CNTN4: variants seen among roughly 807,000 people sequenced by gnomAD.
CNTN4 encodes the protein contactin 4.
A neutral mutation model predicts 122.5 loss-of-function variants in CNTN4; 77 were observed. The ratio of observed to expected loss-of-function variants is 0.63; its 90% confidence interval spans 0.52 to 0.76. The LOEUF (loss-of-function observed/expected upper bound fraction) is 0.76. Among genes scored for constraint, CNTN4 ranks in the 30% least tolerant of loss-of-function variants. The probability of loss-of-function intolerance (pLI) is 0.00; values close to 1 mark genes in which losing one functional copy is unlikely to be tolerated. For synonymous variants in CNTN4, 512 were observed against 447.0 expected (o/e 1.15, Z -1.83); for missense variants, 1,256 against 1,259.1 (o/e 1.00, Z 0.04).
chr3:2,904,715 A>G (rs1410763219), intron 12 of CNTN4, among the ~76,000 whole-genome samples: 1 of 152,240 alleles, frequency 6.6e-6, no homozygotes, highest in East Asian at 1.9e-4. Context: ...ACAGTTCACC[A>G]TGGCAGGATT....
chr3:2,158,076 T>G (rs892229091), intron 2 of CNTN4, among the ~76,000 whole-genome samples: 1 of 147,128 alleles, frequency 6.8e-6, no homozygotes, highest in African/African-American at 2.4e-5. Flanking sequence ...TTCATACATA[T>G]GTTCTTTAAT....
intron 2 of CNTN4, among the ~76,000 whole-genome samples, chr3:2,120,410 T>A (rs1379601065): frequency 2.2e-4 from 26 of 118,038 alleles, no homozygotes; most frequent in African/African-American, 4.5e-4. Context: ...TATATATTTT[T>A]TTTTTTTTTT....
At chr3:2,727,997 A>G (rs1015309754) in intron 4 of CNTN4, among the ~76,000 whole-genome samples, 3 of 152,248 alleles carry the variant, frequency 2.0e-5, no homozygotes, top group African/African-American at 7.2e-5. Context: ...ACCAAATAGA[A>G]TACTTATTCA....
rs577854753 is a variant in CNTN4, at chr3:3,007,524, T to C, written c.1487-18578T>C. Among the ~76,000 whole-genome samples the C allele has an allele frequency of 5.3e-5, 8 of 152,354 alleles. 1 individual carries two copies. Among genetic ancestry groups the C allele is most frequent in the East Asian group, 1.9e-4 (1 of 5,190 alleles). ...CTATAATATCTCACCCAAAGGGTGT[T>C]GTCATTTTTCAAATAACCTGTTTAA... On this transcript the variant is annotated intron_variant, in intron 14 of 24. Transcript: ENST00000418658.
intron 2 of CNTN4, among the ~76,000 whole-genome samples, chr3:2,205,830 A>C (rs1048224958): frequency 6.6e-6 from 1 of 152,160 alleles, no homozygotes; most frequent in African/African-American, 2.4e-5. Flanking sequence ...ATTATTAAAT[A>C]AACTTCTGTA....
chr3:2,972,451 T>C (rs1330399094), intron 13 of CNTN4, among the ~76,000 whole-genome samples: 8 of 152,168 alleles, frequency 5.3e-5, no homozygotes, highest in African/African-American at 1.9e-4. Flanking sequence ...ACTTCAACAG[T>C]GCAACAAAGC....
chr3:2,625,903 AC>A (rs1411503455), intron 4 of CNTN4, among the ~76,000 whole-genome samples: 1 of 152,214 alleles, frequency 6.6e-6, no homozygotes, highest in African/African-American at 2.4e-5. Context: ...TTTTGTTGTT[AC>A]ATTTGTTCTA....
At position 2,365,591 on chromosome 3, in the gene CNTN4, A is replaced by G. The variant is rs544591956; in HGVS notation, c.-89+26358A>G. 4.6e-5 allele frequency among the ~76,000 whole-genome samples: 7 copies of G among 152,360 alleles called. No homozygotes were observed. The South Asian group carries it at 1.0e-3, about 23-fold the overall frequency. ...GACAATAGAATGTACATATATTTCT[A>G]TCTTACGTTCTGCTGGTGATGCTTC... On this transcript the variant is annotated intron_variant, in intron 3 of 24. Coordinates refer to ENST00000418658, the MANE Select transcript of CNTN4 (RefSeq NM_175607.3).
intron 13 of CNTN4, among the ~76,000 whole-genome samples, chr3:2,957,583 A>C (rs1043978570): frequency 6.6e-6 from 1 of 152,088 alleles, no homozygotes. Context: ...TTTTCAGCTC[A>C]CATCCCCTCC....
intron 3 of CNTN4, among the ~76,000 whole-genome samples, chr3:2,530,829 G>A (rs2149229987): frequency 6.6e-6 from 1 of 152,268 alleles, no homozygotes; most frequent in Middle Eastern, 3.4e-3. Flanking sequence ...GTTACTCTAA[G>A]CTTTATTGTC....
Position 2,785,990 on chromosome 3 carries a change from G to A in CNTN4, c.359-33496G>A, listed in dbSNP as rs574169391. Among the ~76,000 whole-genome samples, 87 of 149,908 alleles carry A rather than the reference G, an allele frequency of 5.8e-4. No homozygotes were observed. The South Asian group carries it at 7.2e-3, about 12-fold the overall frequency. On this transcript the variant is annotated intron_variant, in intron 6 of 24. Coordinates refer to ENST00000418658, the MANE Select transcript of CNTN4 (RefSeq NM_175607.3). ...CAGAGGAGAGAAGAGGTGTCCGAACGTTGAGAGGTGAAGAACCAGCTGGGC... is the reference window on the plus strand; with the variant it reads ...CAGAGGAGAGAAGAGGTGTCCGAACATTGAGAGGTGAAGAACCAGCTGGGC...
At chr3:2,648,477 T>C (rs1437407737) in intron 4 of CNTN4, among the ~76,000 whole-genome samples, 1 of 152,172 alleles carries the variant, frequency 6.6e-6, no homozygotes, top group Non-Finnish European at 1.5e-5. Context: ...TTATATCTGT[T>C]ATAGTGATCT....
intron 6 of CNTN4, among the ~76,000 whole-genome samples, chr3:2,812,567 G>GTT (rs749644635): frequency 7.1e-6 from 1 of 141,142 alleles, no homozygotes; most frequent in East Asian, 2.0e-4. Context: ...TTTTTGTTTT[G>GTT]TTTTGTTTTT....
chr3:2,879,872 T>TA (rs908347998), intron 8 of CNTN4, among the ~76,000 whole-genome samples: 5 of 152,042 alleles, frequency 3.3e-5, no homozygotes, highest in African/African-American at 7.2e-5. Context: ...ACTTGTTTTT[T>TA]AAAAAAAATT....
intron 13 of CNTN4, among the ~76,000 whole-genome samples, chr3:2,968,529 C>A (rs916991598): frequency 2.0e-5 from 3 of 152,114 alleles, no homozygotes; most frequent in African/African-American, 7.2e-5. Context: ...ACAGAAATAG[C>A]ACTAAAGATG....
At chr3:2,783,882 C>G (rs1479553451) in intron 6 of CNTN4, among the ~76,000 whole-genome samples, 1 of 152,136 alleles carries the variant, frequency 6.6e-6, no homozygotes, top group Non-Finnish European at 1.5e-5. Flanking sequence ...GTTAGTTGAA[C>G]CCTATAATTT....
chr3:2,180,086 A>G (rs962907029), intron 2 of CNTN4, among the ~76,000 whole-genome samples: 1 of 151,858 alleles, frequency 6.6e-6, no homozygotes, highest in Admixed American at 6.6e-5. Context: ...TGTTGATTGT[A>G]TCTACATGGT....
intron 2 of CNTN4, among the ~76,000 whole-genome samples, chr3:2,194,708 T>C (rs1374285921): frequency 6.6e-6 from 1 of 152,136 alleles, no homozygotes; most frequent in Non-Finnish European, 1.5e-5. Context: ...CACGCAAAGA[T>C]TGACAGGCAG....
At chr3:2,992,672 A>C (rs973593) in intron 14 of CNTN4, among the ~76,000 whole-genome samples, 77,656 of 151,918 alleles carry the variant, frequency 0.51, 20,480 homozygotes, top group African/African-American at 0.64. Context: ...AACTATGTTA[A>C]TAGCAACCCT....
Sources: allele counts gnomAD v4.1 joint callset (sites outside exome capture counted in the v4.1 genomes callset), GRCh38; gene constraint gnomAD v4.1.1; transcripts MANE v1.5; gene names NCBI Gene and HGNC (gene_info 2026-07-23, HGNC 2026-07-21).